Variants in FAM120A observed in about 807,000 individuals in gnomAD.
The protein encoded by FAM120A is family with sequence similarity 120 member A.
FAM120A carries 15 observed loss-of-function variants against 109.7 expected under a neutral mutation model. The ratio of observed to expected loss-of-function variants is 0.14; its 90% CI spans 0.09 to 0.21. The LOEUF (loss-of-function observed/expected upper bound fraction) is 0.21, where lower values mean the gene tolerates loss of function less well. Ranked by LOEUF, FAM120A falls within the 10% of genes least tolerant of loss-of-function variation. FAM120A has a pLI of 1.00. For synonymous variants in FAM120A, 493 were observed against 572.8 expected, an observed-to-expected ratio of 0.86 and a Z score of 1.99; for missense variants, 899 against 1,439.3, an observed-to-expected ratio of 0.62 and a Z score of 6.07.
intron 1 of FAM120A, among the ~76,000 whole-genome samples, chr9:93,462,011 GCGAA>G (rs1857813722): frequency 6.6e-6 from 1 of 152,146 alleles, no homozygotes; most frequent in Non-Finnish European, 1.5e-5. Flanking sequence ...TAAAGAGATT[GCGAA>G]AGCCAAAAAG....
At chr9:93,466,056 C>T (rs986584327) in intron 1 of FAM120A, among the ~76,000 whole-genome samples, 44 of 152,084 alleles carry the variant, frequency 2.9e-4, no homozygotes, top group African/African-American at 9.7e-4. Context: ...CACTGGATGA[C>T]GCTGACCTTG....
chr9:93,537,975 T>C (rs898720521), intron 10 of FAM120A, among the ~76,000 whole-genome samples: 1 of 152,154 alleles, frequency 6.6e-6, no homozygotes, highest in Non-Finnish European at 1.5e-5. Context: ...AGGCAAATGA[T>C]ATGACAGGCC....
At position 93,451,862 on chromosome 9, in the gene FAM120A, C is replaced by T. The variant is rs1857236133; in HGVS notation, c.-54C>T. On this transcript the variant is annotated 5_prime_UTR_variant, in exon 1 of 18. Coordinates refer to ENST00000277165, the MANE Select transcript of FAM120A (RefSeq NM_014612.5). Reference sequence around the variant, plus strand: ...CCGCCCGCGCGCCACGGCCCCACCACCCCCGGCCCCGCCGCCCCCCGCCCG... The same window carrying T: ...CCGCCCGCGCGCCACGGCCCCACCATCCCCGGCCCCGCCGCCCCCCGCCCG... The T allele has an allele frequency of 1.9e-6, 2 of 1,038,166 alleles. No homozygotes were observed. Among genetic ancestry groups the T allele is most frequent in the Non-Finnish European group, 2.3e-6 (2 of 862,382 alleles). 64.3% of individuals were successfully genotyped at this position (1,038,166 alleles called of 1,614,324 possible).
chr9:93,458,408 C>T (rs1284051638), intron 1 of FAM120A, among the ~76,000 whole-genome samples: 1 of 152,218 alleles, frequency 6.6e-6, no homozygotes, highest in East Asian at 1.9e-4. Context: ...TTCAGAGTTA[C>T]ACCCTCTACC....
Position 93,471,179 on chromosome 9 carries a change from T to C in FAM120A, c.513T>C (p.Ile171=). 1.2e-6 allele frequency: 2 copies of C among 1,614,176 alleles called. No homozygotes were observed. The highest frequency in any genetic ancestry group is 1.7e-6 in the Non-Finnish European group (2 of 1,180,036). The change falls in exon 2 of 18, where the codon ATT becomes ATC. Residue 171 remains isoleucine (I), a synonymous_variant. Coordinates refer to ENST00000277165, the MANE Select transcript of FAM120A (RefSeq NM_014612.5). ...QSIEDHHQEV[I]GFCRENGFHG... ...TTGAGGATCACCATCAGGAAGTGAT[T>C]GGTTTCTGCAGAGAGAATGGTTTCC... is the stretch of plus-strand genomic sequence containing the variant.
chr9:93,505,302 C>T (rs375318469), intron 5 of FAM120A, among the ~76,000 whole-genome samples: 3 of 152,130 alleles, frequency 2.0e-5, no homozygotes, highest in African/African-American at 4.8e-5. Flanking sequence ...CCTCGTGATC[C>T]GCCCGCCTCG....
rs183355275 is a variant in FAM120A at position 93,544,620 on chromosome 9, A to C, written c.2159+1149A>C. ...ACTTAAATACTTTACTGATTTTCTA[A>C]CAGTTGATGGCATTTTACTTTATAA... On this transcript the variant is annotated intron_variant, in intron 11 of 17. Transcript: ENST00000277165. 2.3e-4 allele frequency among the ~76,000 whole-genome samples: 35 copies of C among 152,332 alleles called. 1 individual carries two copies. In the East Asian group the frequency reaches 6.0e-3, roughly 26 times the overall value.
In FAM120A at chr9:93,452,458, G is replaced by A. The variant is rs1219541671; in HGVS notation, c.474+69G>A. 2.6e-6 allele frequency: 4 copies of A among 1,550,078 alleles called. No individual in the cohort carries two copies. Among genetic ancestry groups the A allele is most frequent in the Non-Finnish European group, 3.5e-6 (4 of 1,150,994 alleles). On this transcript the variant is annotated intron_variant, in intron 1 of 17. Coordinates refer to ENST00000277165, the MANE Select transcript of FAM120A (RefSeq NM_014612.5). This position sits in a 1 kb window ranked among gnomAD's most constrained non-coding sequence, Gnocchi z 7.0. ...GCACCCCTATCCCCCTTCCCAGGGC[G>A]CAGAATGTCGCCCGGCCGTGGCGGC...
At chr9:93,533,775 T>C (rs1861418482) in intron 10 of FAM120A, among the ~76,000 whole-genome samples, 1 of 152,168 alleles carries the variant, frequency 6.6e-6, no homozygotes, top group African/African-American at 2.4e-5. Flanking sequence ...TAGTCCCAAA[T>C]CCTGTGACAT....
At chr9:93,499,524 G>A (rs1859712077) in intron 5 of FAM120A, among the ~76,000 whole-genome samples, 1 of 152,150 alleles carries the variant, frequency 6.6e-6, no homozygotes, top group African/African-American at 2.4e-5. Flanking sequence ...CTAGCCTCAA[G>A]CGATCTGCCC....
Position 93,564,378 on chromosome 9 carries a change from C to G in FAM120A, c.3195C>G (p.Asn1065Lys), listed in dbSNP as rs370300082. 8 of 1,612,542 alleles carry G rather than the reference C, an allele frequency of 5.0e-6. No individual in the cohort carries two copies. The highest frequency in any genetic ancestry group is 2.0e-4 in the Middle Eastern group (1 of 4,902). The change falls in exon 18 of 18, where the codon AAC becomes AAG. Residue 1065 changes from asparagine (N) to lysine (K), a missense_variant. This residue lies in a region of FAM120A where 170 missense variants were observed against 205.0 expected (regional missense o/e 0.83). Coordinates refer to ENST00000277165, the MANE Select transcript of FAM120A (RefSeq NM_014612.5). ...AGGAGAAGCCGGCTCCCCAGATGAA[C>G]GGGAGCACGGGTGACGCCAGGGCCC... ...MAEEKPAPQM[N>K]GSTGDARAPS... is the part of the protein sequence containing the mutation.
At chr9:93,468,192 T>C (rs1858139175) in intron 1 of FAM120A, among the ~76,000 whole-genome samples, 1 of 152,204 alleles carries the variant, frequency 6.6e-6, no homozygotes, top group East Asian at 1.9e-4. Context: ...CTACCACCTT[T>C]GTTTTATGAG....
chr9:93,516,133 A>G lies in FAM120A; in HGVS notation c.1282A>G (p.Thr428Ala), dbSNP rs755433710. ...CAACATTCCTCACGAAGGGAAGCAC[A>G]CGCCGCTGTATGAGCGGTCCTCGCC... ...YSNIPHEGKH[T>A]PLYERSSPIN... The change falls in exon 7 of 18, where the codon ACG (threonine) becomes GCG (alanine). Residue 428 changes from threonine to alanine, a missense_variant. Transcript: ENST00000277165. The G allele has an allele frequency of 1.9e-6, 3 of 1,613,812 alleles. No homozygotes were observed. Among genetic ancestry groups the G allele is most frequent in the African/African-American group, 2.7e-5 (2 of 74,902 alleles).
At chr9:93,511,793 GTTTA>G (rs1255041786) in intron 5 of FAM120A, among the ~76,000 whole-genome samples, 1 of 152,112 alleles carries the variant, frequency 6.6e-6, no homozygotes, top group African/African-American at 2.4e-5. Flanking sequence ...ATGTCTGCCT[GTTTA>G]TTTATTTATT....
intron 5 of FAM120A, among the ~76,000 whole-genome samples, chr9:93,504,081 A>G (rs1014262501): frequency 7.9e-5 from 12 of 152,114 alleles, no homozygotes; most frequent in Admixed American, 2.0e-4. Context: ...TGATTAGATT[A>G]TTGTTGAGTG....
At chr9:93,467,450 A>G (rs1588789801) in intron 1 of FAM120A, among the ~76,000 whole-genome samples, 3 of 152,062 alleles carry the variant, frequency 2.0e-5, no homozygotes, top group Non-Finnish European at 2.9e-5. Context: ...GAGATTTTAC[A>G]TTGGTTGTTG....
intron 2 of FAM120A, among the ~76,000 whole-genome samples, chr9:93,475,780 A>T (rs1858523103): frequency 6.6e-6 from 1 of 152,218 alleles, no homozygotes; most frequent in Non-Finnish European, 1.5e-5. Context: ...TGTTACAATC[A>T]GCAGTCATTG....
At chr9:93,490,541 T>C (rs1298607712) in intron 3 of FAM120A, among the ~76,000 whole-genome samples, 2 of 152,244 alleles carry the variant, frequency 1.3e-5, no homozygotes, top group Non-Finnish European at 2.9e-5. Context: ...ATGTTGGGTT[T>C]AACAGTTGGA....
chr9:93,536,095 A>G (rs1479076022), intron 10 of FAM120A, among the ~76,000 whole-genome samples: 2 of 152,244 alleles, frequency 1.3e-5, no homozygotes, highest in African/African-American at 2.4e-5. Flanking sequence ...TGAAGCTGAC[A>G]TTGAAAAGTT....
Sources: gnomAD v4.1 joint callset for allele counts (sites outside exome capture counted in the v4.1 genomes callset) on GRCh38, gnomAD v4.1.1 for gene constraint, gnomAD v4.1.1 regional missense constraint, Gnocchi (gnomAD v3.1) non-coding constraint, MANE v1.5 for transcripts, NCBI Gene and HGNC (gene_info 2026-07-23, HGNC 2026-07-21) for gene names.